The following STK25 variants were observed in gnomAD, a reference collection of about 807,000 sequenced individuals.
STK25 encodes serine/threonine kinase 25, also known as serine/threonine-protein kinase 25.
A neutral mutation model predicts 53.8 loss-of-function variants in STK25; 29 were observed. The ratio of observed to expected loss-of-function variants is 0.54; its 90% confidence interval spans 0.40 to 0.74. The LOEUF is 0.74. STK25 is among the 30% of genes least tolerant of loss of function. The pLI, the probability that STK25 is intolerant of heterozygous loss-of-function variation, is 0.00. For synonymous variants in STK25, 247 were observed against 238.3 expected, an observed-to-expected ratio of 1.04 and a Z score of -0.33; for missense variants, 420 against 568.0, an observed-to-expected ratio of 0.74 and a Z score of 2.65.
Position 241,497,631 on chromosome 2 carries a change from C to T in STK25, c.1089G>A (p.Arg363=), listed in dbSNP as rs2065250701. 1 of 1,613,390 alleles carries T rather than the reference C, an allele frequency of 6.2e-7. No individual in the cohort carries two copies. Among genetic ancestry groups the T allele is most frequent in the Admixed American group, 1.7e-5 (1 of 60,004 alleles). Residue 363 remains arginine, a synonymous_variant, in exon 10 of 12, where the codon CGG becomes CGA. Coordinates refer to ENST00000316586, the MANE Select transcript of STK25 (RefSeq NM_001271977.2). ...PRSQCLSTLV[R]PVFGELKEKH... ...CCATCCTCACCTCTCCGAAGACGGG[C>T]CGGACCAGCGTGGACAGGCACTGGG...
At chr2:241,507,883 G>C in intron 2 of STK25, 123 bp downstream of exon 2, 1 of 1,027,280 alleles carries the variant, frequency 9.7e-7, no homozygotes, top group Non-Finnish European at 1.4e-6. Flanking sequence ...CTGGTCGCAC[G>C]ACGCGCGCTC....
Position 241,493,599 on chromosome 2 carries a change from T to C in STK25, c.*2063A>G. ...TTTCCAAAAAACAGCAATGCTTTGTTTTTTTTTTTTTTGGAGATGGCGTCT... is the reference window on the plus strand; with the variant it reads ...TTTCCAAAAAACAGCAATGCTTTGTCTTTTTTTTTTTTGGAGATGGCGTCT... On this transcript the variant is annotated 3_prime_UTR_variant, in exon 12 of 12. Transcript: ENST00000316586. The C allele has an allele frequency of 2.6e-6, 1 of 377,972 alleles. No individual in the cohort carries two copies. The highest frequency in any genetic ancestry group is 4.5e-6 in the Non-Finnish European group (1 of 222,128). 23.4% of individuals were successfully genotyped at this position (377,972 alleles called of 1,614,324 possible). A position where few individuals can be genotyped will look rare whatever the true frequency, so the allele number is the denominator to read the frequency against.
At chr2:241,504,314 C>T (rs1314514020) in intron 2 of STK25, among the ~76,000 whole-genome samples, 1 of 152,194 alleles carries the variant, frequency 6.6e-6, no homozygotes, top group African/African-American at 2.4e-5. Flanking sequence ...CTCATCAGTA[C>T]AGCAGCCCAG....
At chr2:241,497,283 A>G (rs2124950924) in intron 10 of STK25, 2 of 254,352 alleles carry the variant, frequency 7.9e-6, no homozygotes, top group Non-Finnish European at 7.6e-6. Context: ...ACGTTGATGC[A>G]GGGTCACGTG....
chr2:241,502,352 G>C (rs548351791), intron 2 of STK25, among the ~76,000 whole-genome samples: 1 of 152,156 alleles, frequency 6.6e-6, no homozygotes, highest in African/African-American at 2.4e-5. Context: ...TGCCAGCCCC[G>C]TGACAGATGT....
chr2:241,503,516 C>T lies in STK25; in HGVS notation c.31-1808G>A, dbSNP rs1370438120. Among the ~76,000 whole-genome samples the T allele has an allele frequency of 7.3e-5, 11 of 150,986 alleles. 1 individual carries two copies. The highest frequency in any genetic ancestry group is 6.3e-4 in the South Asian group (3 of 4,742). On this transcript the variant is annotated intron_variant, in intron 2 of 11. Coordinates refer to ENST00000316586, the MANE Select transcript of STK25 (RefSeq NM_001271977.2). ...TCACGAGGTCAGGAGATCAAGACCACCCTGGCTAACATGGTGAAACCCCGT... is the reference window on the plus strand; with the variant it reads ...TCACGAGGTCAGGAGATCAAGACCATCCTGGCTAACATGGTGAAACCCCGT...
chr2:241,494,374 C>A lies in STK25; in HGVS notation c.*1288G>T. On this transcript the variant is annotated 3_prime_UTR_variant, in exon 12 of 12. Transcript: ENST00000316586. This position sits in a 1 kb window ranked among gnomAD's most constrained non-coding sequence, Gnocchi z 4.9. ...TGCGAGTCTTGAGCGCGGAGCCGCT[C>A]AAGCCACAGCTCCCAGGCCCCTGGC... is the stretch of plus-strand genomic sequence containing the variant. 7.1e-5 allele frequency: 21 copies of A among 295,448 alleles called. No homozygotes were observed. Among genetic ancestry groups the A allele is most frequent in the East Asian group, 1.1e-4 (2 of 18,604 alleles). 18.3% of individuals were successfully genotyped at this position (295,448 alleles called of 1,614,324 possible).
chr2:241,504,826 CCT>C (rs952303895), intron 2 of STK25, among the ~76,000 whole-genome samples: 10 of 152,140 alleles, frequency 6.6e-5, no homozygotes, highest in African/African-American at 2.2e-4. Flanking sequence ...TTTCCTCCTC[CCT>C]GTTTGCTCCA....
chr2:241,493,419 G>A lies in STK25; in HGVS notation c.*2243C>T, dbSNP rs1420565195. On this transcript the variant is annotated 3_prime_UTR_variant, in exon 12 of 12. Coordinates refer to ENST00000316586, the MANE Select transcript of STK25 (RefSeq NM_001271977.2). ...CAAATCCCACGTCTACTTCTTCCGGGCTGAGAGCAAGTACACATTTGAAAG... is the reference window on the plus strand; with the variant it reads ...CAAATCCCACGTCTACTTCTTCCGGACTGAGAGCAAGTACACATTTGAAAG... 1 of 1,613,890 alleles carries A rather than the reference G, an allele frequency of 6.2e-7. No individual in the cohort carries two copies. The highest frequency in any genetic ancestry group is 1.3e-5 in the African/African-American group (1 of 75,038).
At chr2:241,508,228 G>A (rs924976917) in intron 1 of STK25, 93 bp from the exon 2 acceptor site, 5 of 1,330,456 alleles carry the variant, frequency 3.8e-6, no homozygotes, top group African/African-American at 1.5e-5. Context: ...GGGGGCCCAG[G>A]AGACCCCCCA....
In STK25 at chr2:241,495,635, C is replaced by A; in HGVS notation, c.*27G>T. On this transcript the variant is annotated 3_prime_UTR_variant, in exon 12 of 12. Transcript: ENST00000316586. ...CTCAGAACAAAAACAAACGACCTTC[C>A]GTCCCCTATCTGAACAGCAGTGCGC... is the stretch of plus-strand genomic sequence containing the variant. 1.2e-6 allele frequency: 2 copies of A among 1,613,834 alleles called. No homozygotes were observed. The highest frequency in any genetic ancestry group is 1.7e-6 in the Non-Finnish European group (2 of 1,179,698).
intron 5 of STK25, chr2:241,499,847 C>T (rs2065400573): frequency 1.9e-5 from 9 of 471,590 alleles, no homozygotes; most frequent in South Asian, 1.6e-4. Context: ...CGTCTGCTCT[C>T]AGCAGGGCCA....
chr2:241,494,182 A>T lies in STK25; in HGVS notation c.*1480T>A. ...CAAAGAACAGCAGGACACAGAGGTG[A>T]CCTCTGTCCTGAGGCTTCTCAACAG... is the stretch of plus-strand genomic sequence containing the variant. On this transcript the variant is annotated 3_prime_UTR_variant, in exon 12 of 12. Coordinates refer to ENST00000316586, the MANE Select transcript of STK25 (RefSeq NM_001271977.2). This position sits in a 1 kb window ranked among gnomAD's most constrained non-coding sequence, Gnocchi z 4.9. 1 of 1,106,652 alleles carries T rather than the reference A, an allele frequency of 9.0e-7. No individual in the cohort carries two copies. The allele number at this position is 1,106,652 out of a possible 1,614,324, so 68.6% of individuals were successfully genotyped here.
At chr2:241,508,718 A>AG (rs145184872), upstream of STK25, 18 of 984,840 alleles carry the variant, frequency 1.8e-5, no homozygotes, top group East Asian at 1.1e-4. Context: ...GCTGCGCGAG[A>AG]GGGGGCCGGG....
rs1574952677 is a variant in STK25, at chr2:241,501,876, A to T, written c.31-168T>A. The stretch of plus-strand genomic sequence containing the variant: ...CTTCCTTTCTCCCTTTTTGTTCAAA[A>T]ACTAAACTTGGCCGGGCGTGGTGGC... On this transcript the variant is annotated intron_variant, in intron 2 of 11. Transcript: ENST00000316586. This position sits in a 1 kb window ranked among gnomAD's most constrained non-coding sequence, Gnocchi z 5.3. 1 of 603,384 alleles carries T rather than the reference A, an allele frequency of 1.7e-6. No homozygotes were observed. Among genetic ancestry groups the T allele is most frequent in the East Asian group, 2.8e-5 (1 of 35,500 alleles). 37.4% of individuals were successfully genotyped at this position (603,384 alleles called of 1,614,324 possible). A position where few individuals can be genotyped will look rare whatever the true frequency, so the allele number is the denominator to read the frequency against.
At chr2:241,508,845 G>T, upstream of STK25, 1 of 739,814 alleles carries the variant, frequency 1.4e-6, no homozygotes, top group Non-Finnish European at 1.7e-6. Context: ...TCGTTGTCGC[G>T]TCGCGCCCTC....
In STK25 at chr2:241,501,760, G is replaced by C. The variant is rs548511733; in HGVS notation, c.31-52C>G. 1 of 1,465,664 alleles carries C rather than the reference G, an allele frequency of 6.8e-7. No homozygotes were observed. The highest frequency in any genetic ancestry group is 1.4e-5 in the African/African-American group (1 of 72,282). 90.8% of individuals were successfully genotyped at this position (1,465,664 alleles called of 1,614,324 possible). A position where few individuals can be genotyped will look rare whatever the true frequency, so the allele number is the denominator to read the frequency against. On this transcript the variant is annotated intron_variant, in intron 2 of 11. Coordinates refer to ENST00000316586, the MANE Select transcript of STK25 (RefSeq NM_001271977.2). This position sits in a 1 kb window ranked among gnomAD's most constrained non-coding sequence, Gnocchi z 5.3. ...GCAGACAGCGCCGGTCACAAGAGGC[G>C]GGGGACAGGCAGAGGCTGCCCTGCT...
At chr2:241,495,794 GA>G in intron 11 of STK25, 93 bp from the exon 12 acceptor site, 2 of 1,339,380 alleles carry the variant, frequency 1.5e-6, no homozygotes, top group South Asian at 2.4e-5. Flanking sequence ...TGGCAGCCCT[GA>G]CAAGCCACCG....
Position 241,492,925 on chromosome 2 carries a change from A to ATAT in STK25, c.*2736_*2737insATA. On this transcript the variant is annotated 3_prime_UTR_variant, in exon 12 of 12. Coordinates refer to ENST00000316586, the MANE Select transcript of STK25 (RefSeq NM_001271977.2). ...ATGCACCTGCATTTTTCCTTTATTG[A>ATAT]CAGAACCAGCTTTCAGGATATCTGC... 1.3e-6 allele frequency: 2 copies of ATAT among 1,586,276 alleles called. No individual in the cohort carries two copies. Among genetic ancestry groups the ATAT allele is most frequent in the Non-Finnish European group, 1.7e-6 (2 of 1,154,828 alleles).
Sources: gnomAD v4.1 joint callset for allele counts (sites outside exome capture counted in the v4.1 genomes callset) on GRCh38, gnomAD v4.1.1 for gene constraint, Gnocchi (gnomAD v3.1) non-coding constraint, MANE v1.5 for transcripts, NCBI Gene and HGNC (gene_info 2026-07-23, HGNC 2026-07-21) for gene names.